Variants in SOHLH2 observed in about 807,000 individuals in gnomAD.
SOHLH2 encodes spermatogenesis and oogenesis specific basic helix-loop-helix 2, also known as spermatogenesis- and oogenesis-specific basic helix-loop-helix-containing protein 2.
In SOHLH2, 22 loss-of-function variants were observed where a neutral mutation model predicts 50.4. That is an observed-to-expected ratio of 0.44 (90% CI 0.31 to 0.62). The LOEUF (loss-of-function observed/expected upper bound fraction) is 0.62. SOHLH2 is among the 20% of genes least tolerant of loss of function. SOHLH2 has a pLI of 0.08. For missense variants in SOHLH2, 412 were observed against 504.4 expected, an observed-to-expected ratio of 0.82 and a Z score of 1.76; for synonymous variants, 185 against 187.3, an observed-to-expected ratio of 0.99 and a Z score of 0.10.
intron 2 of SOHLH2, 125 bp from the exon 3 acceptor site, chr13:36,193,992 TATC>T (rs1413854294): frequency 2.5e-6 from 2 of 801,092 alleles, no homozygotes; most frequent in South Asian, 2.8e-5. Context: ...TTTAAAATAA[TATC>T]ATTAATATGG....
intron 1 of SOHLH2, among the ~76,000 whole-genome samples, chr13:36,204,603 G>T (rs960622770): frequency 4.0e-5 from 6 of 151,852 alleles, no homozygotes; most frequent in East Asian, 3.9e-4. Context: ...GGTGTGTGGG[G>T]GTGTGTGTGT....
intron 6 of SOHLH2, among the ~76,000 whole-genome samples, chr13:36,185,235 G>A (rs1276099615): frequency 6.6e-6 from 1 of 152,186 alleles, no homozygotes; most frequent in Middle Eastern, 3.4e-3. Context: ...TTGGGAGGCC[G>A]AGGTGGGCGG....
intron 6 of SOHLH2, among the ~76,000 whole-genome samples, chr13:36,178,938 A>G (rs1000973274): frequency 6.6e-6 from 1 of 151,946 alleles, no homozygotes; most frequent in African/African-American, 2.4e-5. Flanking sequence ...ATAAAATACC[A>G]TTGATTTTTG....
At chr13:36,202,288 A>G (rs1593957785) in intron 1 of SOHLH2, among the ~76,000 whole-genome samples, 195 bp from the exon 2 acceptor site, 1 of 152,202 alleles carries the variant, frequency 6.6e-6, no homozygotes, top group Non-Finnish European at 1.5e-5. Context: ...CAGTACCTAG[A>G]CTAGTGATTA....
intron 9 of SOHLH2, among the ~76,000 whole-genome samples, chr13:36,171,066 A>C (rs1886950736): frequency 6.6e-6 from 1 of 152,214 alleles, no homozygotes; most frequent in Non-Finnish European, 1.5e-5. Context: ...TGTGCACGTC[A>C]ATCAAAATTG....
intron 1 of SOHLH2, among the ~76,000 whole-genome samples, chr13:36,206,693 T>C (rs893102285): frequency 6.6e-6 from 1 of 151,920 alleles, no homozygotes; most frequent in African/African-American, 2.4e-5. Context: ...TAGAACAAAA[T>C]TGTTAATTCT....
At chr13:36,213,096 C>T (rs1030862198) in intron 1 of SOHLH2, among the ~76,000 whole-genome samples, 2 of 152,162 alleles carry the variant, frequency 1.3e-5, no homozygotes, top group African/African-American at 4.8e-5. Context: ...CTTCAGTTTC[C>T]TCAGGAGTCA....
At chr13:36,195,490 A>AGGCC (rs947103522) in intron 2 of SOHLH2, among the ~76,000 whole-genome samples, 10 of 152,206 alleles carry the variant, frequency 6.6e-5, no homozygotes, top group African/African-American at 2.4e-4. Flanking sequence ...AAGGCCTGTT[A>AGGCC]GGCCACAGGA....
intron 1 of SOHLH2, among the ~76,000 whole-genome samples, chr13:36,206,123 T>G (rs1329400749): frequency 6.6e-6 from 1 of 152,086 alleles, no homozygotes; most frequent in Non-Finnish European, 1.5e-5. Flanking sequence ...AGTAGCCACA[T>G]GCGGCTATTT....
At chr13:36,206,711 C>T (rs942022114) in intron 1 of SOHLH2, among the ~76,000 whole-genome samples, 2 of 151,700 alleles carry the variant, frequency 1.3e-5, no homozygotes, top group African/African-American at 4.8e-5. Flanking sequence ...TCTTTCTTTG[C>T]TTATATTAGG....
intron 6 of SOHLH2, among the ~76,000 whole-genome samples, chr13:36,187,758 C>T (rs1887460769): frequency 6.6e-6 from 1 of 152,200 alleles, no homozygotes; most frequent in Non-Finnish European, 1.5e-5. Flanking sequence ...AGACATTCTT[C>T]CACCCGGTTC....
In SOHLH2 at chr13:36,185,190, C is replaced by G. The variant is rs150054400; in HGVS notation, c.641+4756G>C. ...TTTTTAAAAAGCAAAGTATAGAGGC[C>G]GGGCACGATGGCTCATGCCTGTAAT... On this transcript the variant is annotated intron_variant, in intron 6 of 10. Coordinates refer to ENST00000379881, the MANE Select transcript of SOHLH2 (RefSeq NM_017826.3). Among the ~76,000 whole-genome samples, 412 of 152,088 alleles carry G rather than the reference C, an allele frequency of 2.7e-3. 2 individuals carry two copies. The highest frequency in any genetic ancestry group is 8.1e-3 in the East Asian group (42 of 5,154).
intron 2 of SOHLH2, among the ~76,000 whole-genome samples, chr13:36,199,626 C>T (rs950892138): frequency 6.6e-6 from 1 of 152,206 alleles, no homozygotes; most frequent in Admixed American, 6.5e-5. Flanking sequence ...ACACTTGGTA[C>T]CTTCATCTAC....
In SOHLH2 at chr13:36,183,690, T is replaced by C. The variant is rs537275153; in HGVS notation, c.641+6256A>G. ...CAACAAGATTCAACGACATGCTATTTACAAGGGACACTCTTTAAATATAAA... is the reference window on the plus strand; with the variant it reads ...CAACAAGATTCAACGACATGCTATTCACAAGGGACACTCTTTAAATATAAA... On this transcript the variant is annotated intron_variant, in intron 6 of 10. Coordinates refer to ENST00000379881, the MANE Select transcript of SOHLH2 (RefSeq NM_017826.3). Among the ~76,000 whole-genome samples the C allele has an allele frequency of 3.9e-5, 6 of 152,234 alleles. No individual in the cohort carries two copies. In the South Asian group the frequency reaches 1.2e-3, roughly 32 times the overall value.
Position 36,190,138 on chromosome 13 carries a change from ACAAAGGATGCTTCTC to A in SOHLH2, c.531-97_531-83del, listed in dbSNP as rs544238259. ...TAAATAATACGCACCAATACACTAAACAAAGGATGCTTCTCTAAGTCTCTTGCTTCATACAAAGGG... is the reference window on the plus strand; with the variant it reads ...TAAATAATACGCACCAATACACTAAATAAGTCTCTTGCTTCATACAAAGGG... On this transcript the variant is annotated intron_variant, in intron 5 of 10. Transcript: ENST00000379881. 4.4e-3 allele frequency: 5,506 copies of A among 1,258,734 alleles called. 17 individuals are homozygous for A. Among genetic ancestry groups the A allele is most frequent in the Non-Finnish European group, 5.3e-3 (4,990 of 935,372 alleles). The allele number at this position is 1,258,734 out of a possible 1,614,324, so 78.0% of individuals were successfully genotyped here.
At chr13:36,191,027 G>C (rs1019115965) in intron 5 of SOHLH2, among the ~76,000 whole-genome samples, 5 of 152,172 alleles carry the variant, frequency 3.3e-5, no homozygotes, top group African/African-American at 1.2e-4. Context: ...GCCCTCAGCA[G>C]TTATGTCCAT....
rs558477447 is a variant in SOHLH2 at position 36,202,204 on chromosome 13, T to A, written c.49-111A>T. ...GCTCACAAATAACACAACAATTGAC[T>A]CCATATCTAGTCTGACTGGCTAGAT... On this transcript the variant is annotated intron_variant, in intron 1 of 10. Transcript: ENST00000379881. 2.6e-4 allele frequency: 343 copies of A among 1,336,642 alleles called. 1 individual carries two copies. The highest frequency in any genetic ancestry group is 2.0e-4 in the Non-Finnish European group (193 of 980,810). The allele number at this position is 1,336,642 out of a possible 1,614,324, so 82.8% of individuals were successfully genotyped here.
chr13:36,204,003 T>G (rs1293475776), intron 1 of SOHLH2, among the ~76,000 whole-genome samples: 1 of 144,920 alleles, frequency 6.9e-6, no homozygotes, highest in Non-Finnish European at 1.5e-5. Context: ...CAGGCTGGAG[T>G]GCAGTGGCGT....
chr13:36,199,415 A>C (rs936401852), intron 2 of SOHLH2, among the ~76,000 whole-genome samples: 2 of 152,164 alleles, frequency 1.3e-5, no homozygotes, highest in African/African-American at 4.8e-5. Context: ...TCTCCCACCC[A>C]TCCATACAGG....
Sources: gnomAD v4.1 joint callset for allele counts (sites outside exome capture counted in the v4.1 genomes callset) on GRCh38, gnomAD v4.1.1 for gene constraint, MANE v1.5 for transcripts, NCBI Gene and HGNC (gene_info 2026-07-23, HGNC 2026-07-21) for gene names.